Variants in STX18 observed in about 807,000 individuals in gnomAD.
STX18 encodes syntaxin 18.
STX18 carries 40 observed loss-of-function variants against 50.1 expected under a neutral mutation model. The observed-to-expected ratio is 0.80, with a 90% confidence interval of 0.62 to 1.04. STX18 has a LOEUF of 1.04. Ranked by LOEUF, STX18 falls within the 50% of genes least tolerant of loss-of-function variation. The pLI, the probability that STX18 is intolerant of heterozygous loss-of-function variation, is 0.00. For missense variants in STX18, 410 were observed against 415.8 expected, an observed-to-expected ratio of 0.99 and a Z score of 0.12; for synonymous variants, 158 against 151.8, an observed-to-expected ratio of 1.04 and a Z score of -0.30.
intron 1 of STX18, among the ~76,000 whole-genome samples, chr4:4,525,805 G>T (rs939801601): frequency 1.3e-5 from 2 of 152,078 alleles, no homozygotes; most frequent in African/African-American, 4.8e-5. Context: ...ATAAGGCAAG[G>T]GATGTCACAA....
intron 1 of STX18, among the ~76,000 whole-genome samples, chr4:4,513,772 TCTGG>T (rs1730114129): frequency 6.6e-6 from 1 of 152,118 alleles, no homozygotes; most frequent in Non-Finnish European, 1.5e-5. Context: ...AAGCCAGAGG[TCTGG>T]GATATCTCCT....
At chr4:4,446,278 T>C (rs1288204543) in intron 5 of STX18, among the ~76,000 whole-genome samples, 1 of 151,856 alleles carries the variant, frequency 6.6e-6, no homozygotes, top group Non-Finnish European at 1.5e-5. Context: ...TAAAATAATA[T>C]CTTAGTGACC....
chr4:4,449,669 G>A (rs1726642915), intron 5 of STX18, among the ~76,000 whole-genome samples: 3 of 152,170 alleles, frequency 2.0e-5, no homozygotes, highest in African/African-American at 7.2e-5. Context: ...TGATGAAGGT[G>A]GTGACTGCTA....
intron 5 of STX18, chr4:4,453,610 T>C: frequency 1.1e-6 from 1 of 916,964 alleles, no homozygotes. Flanking sequence ...TGTTGCTGTC[T>C]GGAACCACAC....
At chr4:4,500,671 T>C (rs915210310) in intron 1 of STX18, among the ~76,000 whole-genome samples, 2 of 152,202 alleles carry the variant, frequency 1.3e-5, no homozygotes, top group Non-Finnish European at 2.9e-5. Flanking sequence ...CTCAACACCA[T>C]GAGTACATGT....
At chr4:4,542,156 G>A, upstream of STX18, 3 of 676,252 alleles carry the variant, frequency 4.4e-6, no homozygotes, top group African/African-American at 1.9e-5. Flanking sequence ...CTCAGCCGGC[G>A]CACCTGGCGG....
chr4:4,443,559 G>A (rs1314430911), intron 5 of STX18, among the ~76,000 whole-genome samples: 1 of 152,184 alleles, frequency 6.6e-6, no homozygotes, highest in African/African-American at 2.4e-5. Context: ...TATGAGGCCA[G>A]TATTACCCAG....
chr4:4,510,323 G>C (rs1729938168), intron 1 of STX18, among the ~76,000 whole-genome samples: 1 of 152,060 alleles, frequency 6.6e-6, no homozygotes, highest in Non-Finnish European at 1.5e-5. Flanking sequence ...AGAAAGTTAA[G>C]AAAAAAAGAT....
At chr4:4,519,224 G>T (rs1730411541) in intron 1 of STX18, among the ~76,000 whole-genome samples, 1 of 152,110 alleles carries the variant, frequency 6.6e-6, no homozygotes, top group Non-Finnish European at 1.5e-5. Context: ...TAACACACAA[G>T]CATTTACAGA....
intron 6 of STX18, 150 bp from the exon 7 acceptor site, chr4:4,435,008 T>TGC: frequency 1.6e-6 from 1 of 607,232 alleles, no homozygotes; most frequent in Non-Finnish European, 2.8e-6. Flanking sequence ...ATTCAGGCAC[T>TGC]GCAGACATGA....
At chr4:4,505,247 C>T (rs1729645529) in intron 1 of STX18, among the ~76,000 whole-genome samples, 1 of 152,198 alleles carries the variant, frequency 6.6e-6, no homozygotes, top group Non-Finnish European at 1.5e-5. Flanking sequence ...TTTAATACAC[C>T]TAACCTACCA....
intron 7 of STX18, among the ~76,000 whole-genome samples, chr4:4,431,978 G>C (rs1414684485): frequency 6.6e-6 from 1 of 152,152 alleles, no homozygotes; most frequent in African/African-American, 2.4e-5. Flanking sequence ...TGCTGGATTT[G>C]GTGAGCACTT....
At chr4:4,535,809 T>C (rs2108930288) in intron 1 of STX18, among the ~76,000 whole-genome samples, 1 of 152,318 alleles carries the variant, frequency 6.6e-6, no homozygotes, top group Middle Eastern at 3.4e-3. Flanking sequence ...GGACTCACTG[T>C]ACCTGTTGCA....
At chr4:4,498,388 TATTAG>T (rs1729284366) in intron 1 of STX18, among the ~76,000 whole-genome samples, 1 of 152,220 alleles carries the variant, frequency 6.6e-6, no homozygotes, top group Non-Finnish European at 1.5e-5. Context: ...AAGGTGTCCC[TATTAG>T]ACTTACTATA....
rs1724828488 is a variant in STX18, at chr4:4,419,735, C to G, written c.*299G>C. The G allele has an allele frequency of 3.7e-6, 1 of 270,444 alleles. No individual in the cohort carries two copies. The allele number at this position is 270,444 out of a possible 1,614,324, so 16.8% of individuals were successfully genotyped here. ...TGTGCCCCTGCTGCCAAGGCAGCCT[C>G]AAGTTCAAGGAGCAGCTAATCACCC... On this transcript the variant is annotated 3_prime_UTR_variant, in exon 11 of 11. Coordinates refer to ENST00000306200, the MANE Select transcript of STX18 (RefSeq NM_016930.4).
intron 2 of STX18, among the ~76,000 whole-genome samples, chr4:4,470,262 G>A (rs1577351389): frequency 6.6e-6 from 1 of 152,126 alleles, no homozygotes; most frequent in East Asian, 1.9e-4. Flanking sequence ...GTTGTCCTGA[G>A]TTGTGCACAT....
intron 1 of STX18, among the ~76,000 whole-genome samples, chr4:4,532,799 G>A (rs1020380677): frequency 2.0e-5 from 3 of 152,214 alleles, no homozygotes; most frequent in Non-Finnish European, 4.4e-5. Context: ...ATATGCTGTA[G>A]CCTGTTACTT....
At chr4:4,504,450 G>A (rs1309648976) in intron 1 of STX18, among the ~76,000 whole-genome samples, 1 of 152,098 alleles carries the variant, frequency 6.6e-6, no homozygotes, top group African/African-American at 2.4e-5. Flanking sequence ...TCAGGATACA[G>A]GAGTACACAG....
chr4:4,433,714 C>A (rs1321060209), intron 7 of STX18, among the ~76,000 whole-genome samples: 1 of 152,046 alleles, frequency 6.6e-6, no homozygotes, highest in Admixed American at 6.6e-5. Flanking sequence ...GGAAAAAATA[C>A]CTGAGACCTG....
Sources: allele counts gnomAD v4.1 joint callset (sites outside exome capture counted in the v4.1 genomes callset), GRCh38; gene constraint gnomAD v4.1.1; transcripts MANE v1.5; gene names NCBI Gene and HGNC (gene_info 2026-07-23, HGNC 2026-07-21).